LONRF2: variants seen among roughly 807,000 people sequenced by gnomAD.
The protein encoded by LONRF2 is LON peptidase N-terminal domain and ring finger 2, also known as LON peptidase N-terminal domain and RING finger protein 2.
Under a neutral mutation model 66.6 loss-of-function variants are expected in LONRF2, and 35 were observed. The ratio of observed to expected loss-of-function variants is 0.53; its 90% CI spans 0.40 to 0.70. The LOEUF is 0.70. Among genes scored for constraint, LONRF2 ranks in the 30% least tolerant of loss-of-function variants. LONRF2 has a pLI of 0.00. For synonymous variants in LONRF2, 417 were observed against 418.1 expected (o/e 1.00, Z 0.03); for missense variants, 902 against 1,002.1 (o/e 0.90, Z 1.35).
rs1042949324 is a variant in LONRF2, at chr2:100,272,875, CT to C, written c.*11422del. 3.3e-5 allele frequency among the ~76,000 whole-genome samples: 5 copies of C among 152,072 alleles called. No homozygotes were observed. The highest frequency in any genetic ancestry group is 2.1e-4 in the South Asian group (1 of 4,818). On this transcript the variant is annotated 3_prime_UTR_variant, in exon 12 of 12. Coordinates refer to ENST00000393437, the MANE Select transcript of LONRF2 (RefSeq NM_198461.4). ...CCAAAGCCATTGGCAGCCCTCTTTCCTTTTTTTTCCTACTAAAATTAAATTG... is the reference window on the plus strand; with the variant it reads ...CCAAAGCCATTGGCAGCCCTCTTTCCTTTTTTTCCTACTAAAATTAAATTG...
chr2:100,321,202 A>G (rs1302618098), intron 1 of LONRF2, among the ~76,000 whole-genome samples: 2 of 152,180 alleles, frequency 1.3e-5, no homozygotes, highest in African/African-American at 4.8e-5. Flanking sequence ...CATCCTGGAA[A>G]AGACAAAACC....
chr2:100,321,154 T>C (rs1195896324), intron 1 of LONRF2, among the ~76,000 whole-genome samples: 1 of 152,188 alleles, frequency 6.6e-6, no homozygotes, highest in African/African-American at 2.4e-5. Flanking sequence ...TTACAGGACC[T>C]TACAGAGCTG....
chr2:100,292,928 TG>T (rs1488275941), intron 9 of LONRF2, among the ~76,000 whole-genome samples: 1 of 152,212 alleles, frequency 6.6e-6, no homozygotes, highest in Non-Finnish European at 1.5e-5. Flanking sequence ...CTGAGTAGTT[TG>T]TCTTTTCTCA....
intron 7 of LONRF2, among the ~76,000 whole-genome samples, chr2:100,297,232 C>T (rs1420216326): frequency 3.3e-5 from 5 of 152,176 alleles, no homozygotes; most frequent in Non-Finnish European, 5.9e-5. Flanking sequence ...GGGTTCACGC[C>T]ATTCTCCTGT....
chr2:100,298,782 T>C (rs1387739814), intron 7 of LONRF2, 54 bp downstream of exon 7: 1 of 1,329,148 alleles, frequency 7.5e-7, no homozygotes, highest in Non-Finnish European at 1.1e-6. Flanking sequence ...GGAGTAAGCG[T>C]CCACCAAGGG....
rs1439415886 is a variant in LONRF2 at position 100,280,154 on chromosome 2, T to C, written c.*4144A>G. On this transcript the variant is annotated 3_prime_UTR_variant, in exon 12 of 12. Coordinates refer to ENST00000393437, the MANE Select transcript of LONRF2 (RefSeq NM_198461.4). ...AAGCTGAGTCACTGCTAAAAGGCTATTTTATAGAATTCAGCAGTTGAGAAG... is the reference window on the plus strand; with the variant it reads ...AAGCTGAGTCACTGCTAAAAGGCTACTTTATAGAATTCAGCAGTTGAGAAG... 6.6e-6 allele frequency: 1 copy of C among 152,166 alleles called. No individual in the cohort carries two copies. The highest frequency in any genetic ancestry group is 1.5e-5 in the Non-Finnish European group (1 of 68,046). The allele number at this position is 152,166 out of a possible 1,614,324, so 9.4% of individuals were successfully genotyped here. A position where few individuals can be genotyped will look rare whatever the true frequency, so the allele number is the denominator to read the frequency against.
intron 2 of LONRF2, among the ~76,000 whole-genome samples, chr2:100,306,771 C>T (rs1023227529): frequency 2.1e-4 from 32 of 152,178 alleles, no homozygotes; most frequent in African/African-American, 7.2e-4. Context: ...CACTCAGCCA[C>T]CTTAGTCTTC....
chr2:100,301,171 A>G (rs1573118331), intron 3 of LONRF2, among the ~76,000 whole-genome samples: 2 of 152,308 alleles, frequency 1.3e-5, no homozygotes, highest in East Asian at 1.9e-4. Flanking sequence ...TGAGGTCACT[A>G]TACAGAACTG....
At chr2:100,294,092 C>A in intron 9 of LONRF2, 137 bp downstream of exon 9, 1 of 919,656 alleles carries the variant, frequency 1.1e-6, no homozygotes, top group Non-Finnish European at 1.7e-6. Context: ...GCATTGTGGG[C>A]AGCCTTGAAC....
chr2:100,321,385 G>C, intron 1 of LONRF2, 30 bp downstream of exon 1: 1 of 1,404,314 alleles, frequency 7.1e-7, no homozygotes. Context: ...CAGGTGTAGG[G>C]GAGGCGGACC....
intron 7 of LONRF2, among the ~76,000 whole-genome samples, chr2:100,296,605 G>A (rs1278179871): frequency 1.3e-5 from 2 of 152,162 alleles, no homozygotes; most frequent in East Asian, 1.9e-4. Flanking sequence ...CAAACTAAAT[G>A]TATTGCTGTG....
chr2:100,322,131 G>T lies in LONRF2; in HGVS notation c.-38C>A, dbSNP rs921774727. The T allele has an allele frequency of 8.1e-7, 1 of 1,236,154 alleles. No homozygotes were observed. Among genetic ancestry groups the T allele is most frequent in the Non-Finnish European group, 1.0e-6 (1 of 990,062 alleles). The allele number at this position is 1,236,154 out of a possible 1,614,324, so 76.6% of individuals were successfully genotyped here. A position where few individuals can be genotyped will look rare whatever the true frequency, so the allele number is the denominator to read the frequency against. On this transcript the variant is annotated 5_prime_UTR_variant, in exon 1 of 12. Coordinates refer to ENST00000393437, the MANE Select transcript of LONRF2 (RefSeq NM_198461.4). ...GCGACGACGCGGGTCCGGAGCGAAGGCGCGGAGCAGGGAGGATGCGCTGCT... is the reference window on the plus strand; with the variant it reads ...GCGACGACGCGGGTCCGGAGCGAAGTCGCGGAGCAGGGAGGATGCGCTGCT...
intron 2 of LONRF2, among the ~76,000 whole-genome samples, chr2:100,308,033 T>C (rs574875743): frequency 6.6e-6 from 1 of 152,284 alleles, no homozygotes; most frequent in African/African-American, 2.4e-5. Context: ...TATCCCTAAG[T>C]TGAACTTGAC....
intron 1 of LONRF2, among the ~76,000 whole-genome samples, chr2:100,318,655 G>A (rs941158495): frequency 1.3e-5 from 2 of 150,618 alleles, no homozygotes; most frequent in African/African-American, 4.9e-5. Context: ...AGTGAAACAC[G>A]TCTCTACTAA....
chr2:100,290,208 G>C, intron 10 of LONRF2, 50 bp downstream of exon 10: 1 of 1,538,846 alleles, frequency 6.5e-7, no homozygotes, highest in Non-Finnish European at 8.8e-7. Context: ...AATGCAAAGG[G>C]AAGCGAGAGG....
At chr2:100,298,534 C>T (rs747198642) in intron 7 of LONRF2, among the ~76,000 whole-genome samples, 6 of 152,186 alleles carry the variant, frequency 3.9e-5, no homozygotes, top group Non-Finnish European at 5.9e-5. Flanking sequence ...ATTAAGTGCA[C>T]CATGACAACG....
chr2:100,292,835 T>C (rs1325795855), intron 9 of LONRF2, among the ~76,000 whole-genome samples: 1 of 152,218 alleles, frequency 6.6e-6, no homozygotes, highest in Non-Finnish European at 1.5e-5. Flanking sequence ...TGCAAATGTG[T>C]TATTTTTTTA....
chr2:100,283,952 G>A lies in LONRF2; in HGVS notation c.*346C>T, dbSNP rs1674792010. 5.7e-6 allele frequency: 1 copy of A among 174,930 alleles called. No homozygotes were observed. Among genetic ancestry groups the A allele is most frequent in the Admixed American group, 6.1e-5 (1 of 16,408 alleles). The allele number at this position is 174,930 out of a possible 1,614,324, so 10.8% of individuals were successfully genotyped here. A position where few individuals can be genotyped will look rare whatever the true frequency, so the allele number is the denominator to read the frequency against. On this transcript the variant is annotated 3_prime_UTR_variant, in exon 12 of 12. Transcript: ENST00000393437. ...ATCTGGCAGAGCCAGATGCTGACTG[G>A]GAAGTGAATCCTTCTTTCTCGTGAA...
At chr2:100,285,449 G>A (rs1674825341) in intron 11 of LONRF2, among the ~76,000 whole-genome samples, 1 of 152,160 alleles carries the variant, frequency 6.6e-6, no homozygotes, top group South Asian at 2.1e-4. Flanking sequence ...CGCTTAATGG[G>A]AAGGACCTCA....
Sources: allele counts gnomAD v4.1 joint callset (sites outside exome capture counted in the v4.1 genomes callset), GRCh38; gene constraint gnomAD v4.1.1; transcripts MANE v1.5; gene names NCBI Gene and HGNC (gene_info 2026-07-23, HGNC 2026-07-21).